The following DDX10 variants were observed in gnomAD, a reference collection of about 807,000 sequenced individuals.
The protein encoded by DDX10 is DEAD-box helicase 10, also known as probable ATP-dependent RNA helicase DDX10.
Under a neutral mutation model 104.3 loss-of-function variants are expected in DDX10, and 74 were observed. That is an observed-to-expected ratio of 0.71 (90% CI 0.59 to 0.86). The LOEUF is 0.86. Ranked by LOEUF, DDX10 falls within the 40% of genes least tolerant of loss-of-function variation. The pLI, the probability that DDX10 is intolerant of heterozygous loss-of-function variation, is 0.00. For synonymous variants in DDX10, 351 were observed against 353.4 expected (o/e 0.99, Z 0.08); for missense variants, 952 against 1,040.0 (o/e 0.92, Z 1.16).
intron 16 of DDX10, among the ~76,000 whole-genome samples, chr11:108,890,211 G>A (rs769091597): frequency 2.0e-5 from 3 of 152,114 alleles, no homozygotes; most frequent in Non-Finnish European, 4.4e-5. Context: ...ATTATCGATT[G>A]TAAAAATGAG....
chr11:108,756,773 A>G (rs1415889884), intron 13 of DDX10, among the ~76,000 whole-genome samples: 2 of 151,990 alleles, frequency 1.3e-5, no homozygotes, highest in Non-Finnish European at 2.9e-5. Context: ...GTGTTCCTTG[A>G]TGGTTCATGA....
chr11:108,678,288 GT>G, intron 4 of DDX10, 26 bp from the exon 5 acceptor site: 2 of 1,603,038 alleles, frequency 1.2e-6, no homozygotes, highest in South Asian at 2.3e-5. Context: ...ATGTGTCTGT[GT>G]AATCAAAATA....
At chr11:108,919,888 C>G (rs1050661254) in intron 17 of DDX10, 1 of 152,030 alleles carries the variant, frequency 6.6e-6, no homozygotes, top group Non-Finnish European at 1.5e-5. Flanking sequence ...AACTTGTTCT[C>G]TAGTAGCTCA....
intron 1 of DDX10, among the ~76,000 whole-genome samples, chr11:108,666,394 C>T (rs879549361): frequency 1.3e-5 from 2 of 152,096 alleles, no homozygotes; most frequent in Non-Finnish European, 2.9e-5. Context: ...GCAAGAGAAT[C>T]GCTTGAACCC....
At chr11:108,694,676 C>T (rs1408210956) in intron 9 of DDX10, among the ~76,000 whole-genome samples, 1 of 152,148 alleles carries the variant, frequency 6.6e-6, no homozygotes, top group African/African-American at 2.4e-5. Context: ...GTCAGGAGTT[C>T]AAGACCAGCC....
At chr11:108,838,648 A>G (rs1862594700) in intron 14 of DDX10, 83 bp downstream of exon 14, 3 of 1,429,936 alleles carry the variant, frequency 2.1e-6, no homozygotes, top group African/African-American at 2.9e-5. Context: ...GCACTCATTA[A>G]TGATAGAGTA....
At chr11:108,781,544 C>T (rs1256041517) in intron 13 of DDX10, among the ~76,000 whole-genome samples, 1 of 152,118 alleles carries the variant, frequency 6.6e-6, no homozygotes, top group Non-Finnish European at 1.5e-5. Context: ...TATCTCCATT[C>T]CTATCAACCC....
intron 13 of DDX10, among the ~76,000 whole-genome samples, chr11:108,815,013 G>T (rs1376832062): frequency 2.0e-5 from 3 of 152,158 alleles, no homozygotes; most frequent in Non-Finnish European, 4.4e-5. Flanking sequence ...GGAAGTATAA[G>T]TAGGAATGTT....
chr11:108,912,793 C>T (rs905978000), intron 16 of DDX10, among the ~76,000 whole-genome samples: 2 of 152,178 alleles, frequency 1.3e-5, no homozygotes, highest in African/African-American at 4.8e-5. Flanking sequence ...CTGAGTGTTT[C>T]CTCTGCCCTA....
At chr11:108,675,152 C>T (rs2094222602) in intron 2 of DDX10, among the ~76,000 whole-genome samples, 1 of 148,422 alleles carries the variant, frequency 6.7e-6, no homozygotes, top group Non-Finnish European at 1.5e-5. Flanking sequence ...CATATATTTT[C>T]TTTACTCATT....
chr11:108,790,065 CAG>C (rs1861849691), intron 13 of DDX10, among the ~76,000 whole-genome samples: 1 of 152,158 alleles, frequency 6.6e-6, no homozygotes, highest in Non-Finnish European at 1.5e-5. Flanking sequence ...AAGAGCCACT[CAG>C]GGGTTTATAA....
chr11:108,755,192 G>A (rs1399262599), intron 13 of DDX10, among the ~76,000 whole-genome samples: 4 of 151,964 alleles, frequency 2.6e-5, no homozygotes, highest in African/African-American at 9.7e-5. Flanking sequence ...AAGAGAGAAC[G>A]TGCTCTTAAT....
At chr11:108,812,787 G>A (rs767619525) in intron 13 of DDX10, among the ~76,000 whole-genome samples, 3 of 151,928 alleles carry the variant, frequency 2.0e-5, no homozygotes, top group African/African-American at 4.8e-5. Context: ...TTTGAGACCA[G>A]CCTGGCCAAC....
At chr11:108,831,751 G>GT (rs1477335848) in intron 13 of DDX10, among the ~76,000 whole-genome samples, 7 of 151,848 alleles carry the variant, frequency 4.6e-5, no homozygotes, top group African/African-American at 7.3e-5. Context: ...GCTTATATTA[G>GT]TTTTTTTCAT....
At chr11:108,800,334 A>G (rs1285479592) in intron 13 of DDX10, among the ~76,000 whole-genome samples, 2 of 145,710 alleles carry the variant, frequency 1.4e-5, no homozygotes, top group African/African-American at 2.5e-5. Flanking sequence ...AGTCCCAGCT[A>G]CTTGGGAGGC....
intron 13 of DDX10, among the ~76,000 whole-genome samples, chr11:108,769,388 A>T (rs1217957148): frequency 6.6e-6 from 1 of 151,904 alleles, no homozygotes; most frequent in Admixed American, 6.6e-5. Context: ...TGGTGTTTAA[A>T]TTTCACTGCC....
chr11:108,683,539 T>A (rs2094238457), intron 6 of DDX10, among the ~76,000 whole-genome samples: 1 of 152,132 alleles, frequency 6.6e-6, no homozygotes, highest in Non-Finnish European at 1.5e-5. Context: ...ATGCTGCCAG[T>A]CTTTTTGTTT....
At chr11:108,670,294 G>C (rs1287633800) in intron 1 of DDX10, among the ~76,000 whole-genome samples, 1 of 152,228 alleles carries the variant, frequency 6.6e-6, no homozygotes, top group Admixed American at 6.5e-5. Context: ...AGGCACAGGA[G>C]GGGGAATGTC....
intron 9 of DDX10, among the ~76,000 whole-genome samples, chr11:108,700,111 G>A (rs1364981023): frequency 6.6e-6 from 1 of 152,166 alleles, no homozygotes; most frequent in Non-Finnish European, 1.5e-5. Context: ...TCATTAATAT[G>A]TTTTCTAGGA....
Sources: allele counts gnomAD v4.1 joint callset (sites outside exome capture counted in the v4.1 genomes callset), GRCh38; gene constraint gnomAD v4.1.1; transcripts MANE v1.5; gene names NCBI Gene and HGNC (gene_info 2026-07-23, HGNC 2026-07-21).